Variants in AVL9 observed in about 807,000 individuals in gnomAD.
AVL9 encodes late secretory pathway protein AVL9 homolog.
A neutral mutation model predicts 79.2 loss-of-function variants in AVL9; 49 were observed. The observed-to-expected ratio is 0.62, with a 90% confidence interval of 0.49 to 0.79. The LOEUF is 0.79. Ranked by LOEUF, AVL9 falls within the 30% of genes least tolerant of loss-of-function variation. The probability of loss-of-function intolerance (pLI) is 0.00; values close to 1 mark genes in which losing one functional copy is unlikely to be tolerated. For synonymous variants in AVL9, 299 were observed against 280.6 expected, an observed-to-expected ratio of 1.07 and a Z score of -0.65; for missense variants, 682 against 776.8, an observed-to-expected ratio of 0.88 and a Z score of 1.45.
chr7:32,539,071 G>T (rs987805924), intron 1 of AVL9: 1 of 152,400 alleles, frequency 6.6e-6, no homozygotes, highest in East Asian at 1.9e-4. Flanking sequence ...GACCAACATG[G>T]AGAAACCCCG....
chr7:32,496,937 C>CA (rs1257905869), intron 1 of AVL9, among the ~76,000 whole-genome samples: 2 of 152,108 alleles, frequency 1.3e-5, no homozygotes, highest in Non-Finnish European at 2.9e-5. Flanking sequence ...ACTGTCTCCA[C>CA]AAAAAAATTA....
At chr7:32,550,376 A>T (rs1789756405) in intron 4 of AVL9, among the ~76,000 whole-genome samples, 1 of 152,170 alleles carries the variant, frequency 6.6e-6, no homozygotes, top group African/African-American at 2.4e-5. Context: ...TGGGGTAAAA[A>T]AATCGAGTTT....
At chr7:32,501,237 C>A (rs554511635) in intron 1 of AVL9, among the ~76,000 whole-genome samples, 1 of 152,248 alleles carries the variant, frequency 6.6e-6, no homozygotes, top group South Asian at 2.1e-4. Flanking sequence ...CACTGACAAG[C>A]CTTTTTTGGC....
intron 6 of AVL9, 60 bp from the exon 7 acceptor site, chr7:32,553,667 C>A: frequency 2.3e-6 from 3 of 1,279,494 alleles, no homozygotes; most frequent in South Asian, 1.3e-5. Context: ...GGGAAATAAC[C>A]TTTCTGCAGC....
chr7:32,539,728 G>A (rs921970336), intron 1 of AVL9, among the ~76,000 whole-genome samples: 9 of 152,186 alleles, frequency 5.9e-5, no homozygotes, highest in East Asian at 3.8e-4. Flanking sequence ...TCAGAATTCC[G>A]AAATGGGTTT....
chr7:32,514,223 C>T (rs530951971), intron 1 of AVL9, among the ~76,000 whole-genome samples: 4 of 152,276 alleles, frequency 2.6e-5, no homozygotes, highest in Non-Finnish European at 5.9e-5. Context: ...TCCCACGAGG[C>T]CATATCTTAG....
At chr7:32,578,014 G>A (rs747100394) in intron 13 of AVL9, among the ~76,000 whole-genome samples, 1 of 152,144 alleles carries the variant, frequency 6.6e-6, no homozygotes, top group South Asian at 2.1e-4. Context: ...ACCCAAGCTC[G>A]TGTACCCAAC....
intron 1 of AVL9, among the ~76,000 whole-genome samples, chr7:32,501,583 A>G (rs1156518432): frequency 3.3e-5 from 5 of 152,222 alleles, no homozygotes; most frequent in Admixed American, 2.6e-4. Flanking sequence ...TGACAGAACA[A>G]TGGAATAGTT....
rs775814503 is a variant in AVL9, at chr7:32,522,284, C to T, written c.94-20857C>T. ...AAGCTGCAGACACTCAACGCCAGCC[C>T]ATGAAAGCATCCGGGAGGGAGGCTG... On this transcript the variant is annotated intron_variant, in intron 1 of 15. Coordinates refer to ENST00000318709, the MANE Select transcript of AVL9 (RefSeq NM_015060.3). Among the ~76,000 whole-genome samples, 203 of 152,238 alleles carry T rather than the reference C, an allele frequency of 1.3e-3. 1 individual carries two copies. The highest frequency in any genetic ancestry group is 2.5e-3 in the Non-Finnish European group (171 of 68,020).
chr7:32,532,318 G>C (rs111841416), intron 1 of AVL9: 3 of 152,300 alleles, frequency 2.0e-5, no homozygotes, highest in African/African-American at 7.2e-5. Context: ...GATGGGGGCT[G>C]GGCAGGCCAT....
chr7:32,515,585 C>T (rs531841372), intron 1 of AVL9, among the ~76,000 whole-genome samples: 3 of 152,146 alleles, frequency 2.0e-5, no homozygotes, highest in Non-Finnish European at 4.4e-5. Context: ...ACAGAGAAGG[C>T]GAATTTGAGT....
At chr7:32,497,214 G>A (rs1044413198) in intron 1 of AVL9, among the ~76,000 whole-genome samples, 9 of 152,348 alleles carry the variant, frequency 5.9e-5, no homozygotes, top group African/African-American at 1.4e-4. Flanking sequence ...AATTAGCTGC[G>A]CGTGGTGGCA....
chr7:32,525,620 C>G (rs939411377), intron 1 of AVL9, among the ~76,000 whole-genome samples: 2 of 152,006 alleles, frequency 1.3e-5, no homozygotes, highest in African/African-American at 4.8e-5. Flanking sequence ...TGAATTATAT[C>G]TTGGCTACAG....
intron 8 of AVL9, among the ~76,000 whole-genome samples, chr7:32,556,179 A>T (rs867027212): frequency 1.8e-4 from 28 of 152,248 alleles, no homozygotes; most frequent in Middle Eastern, 3.4e-3. Flanking sequence ...TATTTTTTTT[A>T]AAGGGAATAT....
intron 10 of AVL9, among the ~76,000 whole-genome samples, chr7:32,566,236 GTGCAATCTCGGCTCTC>G (rs1199171277): frequency 8.1e-6 from 1 of 122,990 alleles, no homozygotes. Context: ...GAATGCAGTG[GTGCAATCTCGGCTCTC>G]TGCAACCTCC....
intron 1 of AVL9, among the ~76,000 whole-genome samples, chr7:32,519,195 G>A (rs1023904635): frequency 2.0e-5 from 3 of 152,178 alleles, no homozygotes; most frequent in African/African-American, 4.8e-5. Context: ...TTGGGAGGCC[G>A]AGGCGGGTGG....
At chr7:32,498,607 CTT>C (rs200038631) in intron 1 of AVL9, among the ~76,000 whole-genome samples, 3 of 138,386 alleles carry the variant, frequency 2.2e-5, no homozygotes, top group African/African-American at 2.6e-5. Flanking sequence ...ATCACTTGAT[CTT>C]TTTTTTTTTT....
rs1168921335 is a variant in AVL9 at position 32,570,081 on chromosome 7, T to C, written c.1277T>C (p.Val426Ala). ...QQHHLLSDVT[V>A]RGFVAGATNI... ...CATCATCTTCTCTCCGATGTCACCG[T>C]TCGGGGGTTTGTTGCTGGAGCTACT... The change falls in exon 11 of 16, where the codon GTT becomes GCT. Residue 426 changes from valine (V) to alanine (A), a missense_variant. Transcript: ENST00000318709. 1 of 1,614,100 alleles carries C rather than the reference T, an allele frequency of 6.2e-7. No individual in the cohort carries two copies. Among genetic ancestry groups the C allele is most frequent in the African/African-American group, 1.3e-5 (1 of 74,944 alleles).
intron 1 of AVL9, among the ~76,000 whole-genome samples, chr7:32,511,456 C>T (rs1013907753): frequency 2.0e-5 from 3 of 151,988 alleles, no homozygotes; most frequent in Non-Finnish European, 2.9e-5. Flanking sequence ...TTCTGAACTG[C>T]CCCAGTAGGA....
Sources: allele counts gnomAD v4.1 joint callset (sites outside exome capture counted in the v4.1 genomes callset), GRCh38; gene constraint gnomAD v4.1.1; transcripts MANE v1.5; gene names NCBI Gene and HGNC (gene_info 2026-07-23, HGNC 2026-07-21).